Variants in ZNF568 observed in about 807,000 individuals in gnomAD.
ZNF568 encodes the protein p53 inhibitor of SCO2 activation.
A neutral mutation model predicts 18.1 loss-of-function variants in ZNF568; 11 were observed. The observed-to-expected ratio is 0.61, with a 90% CI of 0.38 to 1.00. The LOEUF is 1.00. Among genes scored for constraint, ZNF568 ranks in the 50% least tolerant of loss-of-function variants. The pLI, the probability that ZNF568 is intolerant of heterozygous loss-of-function variation, is 0.01. For synonymous variants in ZNF568, 213 were observed against 246.6 expected (o/e 0.86, Z 1.28); for missense variants, 639 against 768.2 (o/e 0.83, Z 1.99).
chr19:36,923,583 T>C (rs2073495461), intron 3 of ZNF568, among the ~76,000 whole-genome samples: 1 of 150,936 alleles, frequency 6.6e-6, no homozygotes, highest in Admixed American at 6.7e-5. Flanking sequence ...CCCACCTTTA[T>C]CTGCATCTGG....
At chr19:36,945,621 A>G (rs2073950692) in intron 6 of ZNF568, among the ~76,000 whole-genome samples, 1 of 152,158 alleles carries the variant, frequency 6.6e-6, no homozygotes, top group Admixed American at 6.5e-5. Context: ...GTCAAAAGTT[A>G]GAAACATTTG....
At chr19:36,919,396 G>A (rs2146262953) in intron 2 of ZNF568, among the ~76,000 whole-genome samples, 1 of 152,186 alleles carries the variant, frequency 6.6e-6, no homozygotes, top group Non-Finnish European at 1.5e-5. Flanking sequence ...CAGCCTTTTT[G>A]GCACCAGGGA....
At chr19:36,921,731 G>A (rs2073459870) in intron 2 of ZNF568, among the ~76,000 whole-genome samples, 1 of 152,078 alleles carries the variant, frequency 6.6e-6, no homozygotes, top group African/African-American at 2.4e-5. Context: ...ATTGTGACAT[G>A]AGTATAATTG....
chr19:36,930,411 A>G (rs971683387), intron 4 of ZNF568, among the ~76,000 whole-genome samples: 14 of 151,824 alleles, frequency 9.2e-5, no homozygotes, highest in Non-Finnish European at 1.0e-4. Context: ...GGGTTTCACC[A>G]TGTTAGCCAG....
chr19:36,972,186 C>T (rs1011143060), intron 6 of ZNF568, among the ~76,000 whole-genome samples: 3 of 151,984 alleles, frequency 2.0e-5, no homozygotes, highest in Non-Finnish European at 4.4e-5. Flanking sequence ...ATTTTAGTAG[C>T]ACTTTTAGTA....
chr19:36,996,871 C>T, exon 5 of ZNF568: 1 of 1,539,534 alleles, frequency 6.5e-7, no homozygotes, highest in Non-Finnish European at 8.7e-7. Flanking sequence ...TGGTGAGAAA[C>T]CCTATAAGTG....
At chr19:36,918,797 C>G (rs530972391) in intron 2 of ZNF568, among the ~76,000 whole-genome samples, 2 of 152,266 alleles carry the variant, frequency 1.3e-5, no homozygotes, top group African/African-American at 4.8e-5. Flanking sequence ...TCTGTACCCC[C>G]CTTTCCCCCG....
intron 5 of ZNF568, 134 bp downstream of exon 5, chr19:36,937,006 G>A (rs1362104868): frequency 1.5e-6 from 2 of 1,360,852 alleles, no homozygotes; most frequent in African/African-American, 2.9e-5. Context: ...ACTCTTCAGT[G>A]TTAAAGGCTG....
chr19:36,946,649 C>CTT (rs33950985), intron 6 of ZNF568, among the ~76,000 whole-genome samples: 50 of 110,430 alleles, frequency 4.5e-4, no homozygotes, highest in Middle Eastern at 5.7e-3. Flanking sequence ...TTTTTGTTTC[C>CTT]TTTTTTTTTT....
downstream of ZNF568, among the ~76,000 whole-genome samples, chr19:36,982,478 C>A (rs779398006): frequency 2.6e-5 from 4 of 152,124 alleles, no homozygotes; most frequent in Non-Finnish European, 5.9e-5. Flanking sequence ...TCGAGCAGAT[C>A]ACCTGAGATC....
chr19:36,953,329 G>T (rs1432093370), downstream of ZNF568, among the ~76,000 whole-genome samples: 2 of 152,176 alleles, frequency 1.3e-5, no homozygotes, highest in Non-Finnish European at 2.9e-5. Flanking sequence ...TTTGAAATGA[G>T]AAATCATTTA....
In ZNF568 at chr19:36,952,067, G is replaced by C; in HGVS notation, c.*979G>C. ...TTTTTTTTTTTTTTCAAGACAAAAG[G>C]ACTCTGTAATTCCACTTCTAGGTAT... On this transcript the variant is annotated 3_prime_UTR_variant, in exon 7 of 7. Coordinates refer to ENST00000333987, the MANE Select transcript of ZNF568 (RefSeq NM_198539.4). 1.1e-6 allele frequency: 1 copy of C among 913,264 alleles called. No individual in the cohort carries two copies. The highest frequency in any genetic ancestry group is 2.5e-5 in the African/African-American group (1 of 39,676). 56.6% of individuals were successfully genotyped at this position (913,264 alleles called of 1,614,324 possible).
rs543960244 is a variant in ZNF568, at chr19:36,971,460, C to T, written c.359-2960C>T. Among the ~76,000 whole-genome samples, 5 of 151,300 alleles carry T rather than the reference C, an allele frequency of 3.3e-5. No individual in the cohort carries two copies. The South Asian group carries it at 1.0e-3, about 31-fold the overall frequency. On this transcript the variant is annotated intron_variant, in intron 6 of 7. Transcript: ENST00000427117. ...TAAGTAATGTTTCACAAGAAAGAAA[C>T]GATAATGGCCAAAAATATAAGGGAC...
chr19:36,917,908 G>C (rs1237504186), intron 2 of ZNF568, among the ~76,000 whole-genome samples: 1 of 151,902 alleles, frequency 6.6e-6, no homozygotes, highest in Non-Finnish European at 1.5e-5. Flanking sequence ...TGTTATTCTT[G>C]TCTCATATAT....
In ZNF568 at chr19:36,949,878, G is replaced by C; in HGVS notation, c.725G>C (p.Arg242Pro). Residue 242 changes from arginine to proline, a missense_variant, in exon 7 of 7, where the codon CGA becomes CCA. Physicochemically the swap from Arg to Pro is moderately radical, Grantham distance 103 (BLOSUM62 -2). Coordinates refer to ENST00000333987, the MANE Select transcript of ZNF568 (RefSeq NM_198539.4). Reference sequence around the variant, plus strand: ...AAATTTGACCTCATTAGACATGAGCGAATTCATGCTGGAGAGAAACCTTAC... The same window carrying C: ...AAATTTGACCTCATTAGACATGAGCCAATTCATGCTGGAGAGAAACCTTAC... ...SHKFDLIRHE[R>P]IHAGEKPYEC... 1 of 1,613,918 alleles carries C rather than the reference G, an allele frequency of 6.2e-7. No homozygotes were observed. The highest frequency in any genetic ancestry group is 8.5e-7 in the Non-Finnish European group (1 of 1,179,928).
chr19:36,941,618 A>G (rs930212418), intron 6 of ZNF568, among the ~76,000 whole-genome samples: 1 of 152,186 alleles, frequency 6.6e-6, no homozygotes, highest in African/African-American at 2.4e-5. Context: ...AGGAATTTGA[A>G]CTTTATGAAA....
At position 36,950,125 on chromosome 19, in the gene ZNF568, T is replaced by C; in HGVS notation, c.972T>C (p.His324=). ...GTCAGAAATCAAATCTCATTGAACATGAGCGAATTCACACTGGAGAGAAAC... is the reference window on the plus strand; with the variant it reads ...GTCAGAAATCAAATCTCATTGAACACGAGCGAATTCACACTGGAGAGAAAC... ...AFSQKSNLIE[H]ERIHTGEKPY... Residue 324 remains histidine (H), a synonymous_variant, in exon 7 of 7, where the codon CAT becomes CAC. Coordinates refer to ENST00000333987, the MANE Select transcript of ZNF568 (RefSeq NM_198539.4). 6.2e-7 allele frequency: 1 copy of C among 1,613,984 alleles called. No individual in the cohort carries two copies. The highest frequency in any genetic ancestry group is 1.3e-5 in the African/African-American group (1 of 75,046).
rs1229207965 is a variant in ZNF568 at position 36,951,048 on chromosome 19, A to G, written c.1895A>G (p.His632Arg). 1.9e-6 allele frequency: 3 copies of G among 1,591,464 alleles called. No homozygotes were observed. Among genetic ancestry groups the G allele is most frequent in the Non-Finnish European group, 1.7e-6 (2 of 1,171,586 alleles). The change falls in exon 7 of 7, where the codon CAT (histidine) becomes CGT (arginine). Residue 632 changes from histidine to arginine, a missense_variant. Physicochemically the swap from His to Arg is conservative, Grantham distance 29. Coordinates refer to ENST00000333987, the MANE Select transcript of ZNF568 (RefSeq NM_198539.4). ...TCTCAAAGAGCATCCCTTTCTATAC[A>G]TAAGAGAGGTCATACAGGTGAGAGA... ...AFSQRASLSIHKRGHTGERHQ... is the reference protein window; with the variant it reads ...AFSQRASLSIRKRGHTGERHQ...
chr19:36,987,414 G>T (rs997433757), intron 2 of ZNF568, among the ~76,000 whole-genome samples: 1 of 152,168 alleles, frequency 6.6e-6, no homozygotes, highest in Non-Finnish European at 1.5e-5. Flanking sequence ...AGTTCCAAAG[G>T]CCCCAGTTCT....
Sources: gnomAD v4.1 joint callset for allele counts (sites outside exome capture counted in the v4.1 genomes callset) on GRCh38, gnomAD v4.1.1 for gene constraint, MANE v1.5 for transcripts, NCBI Gene and HGNC (gene_info 2026-07-23, HGNC 2026-07-21) for gene names.